Variants in TMEM255B observed in about 807,000 individuals in gnomAD.
TMEM255B encodes the protein transmembrane protein 255B, also known as family with sequence similarity 70, member B.
A neutral mutation model predicts 34.5 loss-of-function variants in TMEM255B; 35 were observed. That is an observed-to-expected ratio of 1.01 (90% confidence interval 0.77 to 1.34). The LOEUF (loss-of-function observed/expected upper bound fraction) is 1.34, where lower values mean the gene tolerates loss of function less well. TMEM255B is among the 40% of genes most tolerant of loss of function. The probability of loss-of-function intolerance (pLI) is 0.00; values close to 1 mark genes in which losing one functional copy is unlikely to be tolerated. For synonymous variants in TMEM255B, 206 were observed against 201.2 expected (o/e 1.02, Z -0.20); for missense variants, 432 against 433.2 (o/e 1.00, Z 0.02).
At chr13:113,791,151 C>T (rs1303749841) in intron 3 of TMEM255B, among the ~76,000 whole-genome samples, 3 of 152,200 alleles carry the variant, frequency 2.0e-5, no homozygotes, top group African/African-American at 7.2e-5. Flanking sequence ...GGGCCTGTGT[C>T]CTGCCCAGGG....
Position 113,769,500 on chromosome 13 carries a change from C to T in TMEM255B, c.252+340C>T. ...TAAGTCCTAGTGTGTAAAGTTCAGG[C>T]AAAAACATGTGCATAAGCCTCTCTT... On this transcript the variant is annotated intron_variant, in intron 3 of 8. Coordinates refer to ENST00000375353, the MANE Select transcript of TMEM255B (RefSeq NM_182614.4). The surrounding 1 kb of genome is among the most constrained non-coding windows in gnomAD (Gnocchi z 4.2). The T allele has an allele frequency of 3.8e-6, 1 of 262,376 alleles. No homozygotes were observed. The highest frequency in any genetic ancestry group is 7.5e-6 in the Non-Finnish European group (1 of 133,418). 16.3% of individuals were successfully genotyped at this position (262,376 alleles called of 1,614,324 possible). A position where few individuals can be genotyped will look rare whatever the true frequency, so the allele number is the denominator to read the frequency against.
chr13:113,769,500 C>A lies in TMEM255B; in HGVS notation c.252+340C>A. On this transcript the variant is annotated intron_variant, in intron 3 of 8. Coordinates refer to ENST00000375353, the MANE Select transcript of TMEM255B (RefSeq NM_182614.4). This position sits in a 1 kb window ranked among gnomAD's most constrained non-coding sequence, Gnocchi z 4.2. ...TAAGTCCTAGTGTGTAAAGTTCAGG[C>A]AAAAACATGTGCATAAGCCTCTCTT... 1 of 262,376 alleles carries A rather than the reference C, an allele frequency of 3.8e-6. No individual in the cohort carries two copies. Among genetic ancestry groups the A allele is most frequent in the Non-Finnish European group, 7.5e-6 (1 of 133,418 alleles). The allele number at this position is 262,376 out of a possible 1,614,324, so 16.3% of individuals were successfully genotyped here.
intron 8 of TMEM255B, among the ~76,000 whole-genome samples, chr13:113,809,039 G>C (rs1486226232): frequency 1.5e-5 from 2 of 137,674 alleles, no homozygotes; most frequent in Non-Finnish European, 1.5e-5. Flanking sequence ...TGTGGTTTTT[G>C]GGGGGAGGTT....
intron 3 of TMEM255B, among the ~76,000 whole-genome samples, chr13:113,793,936 C>T (rs1382960826): frequency 2.0e-5 from 3 of 152,246 alleles, no homozygotes; most frequent in Non-Finnish European, 2.9e-5. Flanking sequence ...CCCCACCCCC[C>T]GCCTTCTGCT....
rs1210661893 is a variant in TMEM255B at position 113,815,316 on chromosome 13, CCG to C, written c.*3414_*3415del. On this transcript the variant is annotated 3_prime_UTR_variant, in exon 9 of 9. Coordinates refer to ENST00000375353, the MANE Select transcript of TMEM255B (RefSeq NM_182614.4). Reference sequence around the variant, plus strand: ...GAGAGGAAGGGACATGGGTGACGGTCCGTCCACGTGGGGTCACCGGCCACGGA... The same window carrying C: ...GAGAGGAAGGGACATGGGTGACGGTCTCCACGTGGGGTCACCGGCCACGGA... The C allele has an allele frequency of 5.0e-3, 737 of 148,798 alleles. 9 individuals are homozygous for C. Among genetic ancestry groups the C allele is most frequent in the African/African-American group, 0.018 (706 of 40,120 alleles). The allele number at this position is 148,798 out of a possible 1,614,324, so 9.2% of individuals were successfully genotyped here. A position where few individuals can be genotyped will look rare whatever the true frequency, so the allele number is the denominator to read the frequency against.
intron 1 of TMEM255B, among the ~76,000 whole-genome samples, chr13:113,759,824 C>A (rs1386800362): frequency 6.6e-6 from 1 of 152,198 alleles, no homozygotes; most frequent in African/African-American, 2.4e-5. Flanking sequence ...GGTTTCGGCT[C>A]GCCCCTCTCT....
intron 1 of TMEM255B, among the ~76,000 whole-genome samples, chr13:113,765,009 T>A (rs1439168146): frequency 6.6e-6 from 1 of 152,156 alleles, no homozygotes; most frequent in Non-Finnish European, 1.5e-5. Context: ...GGCTGGCTGG[T>A]GGGAGCCGAT....
At chr13:113,794,857 G>T (rs1449453943) in intron 3 of TMEM255B, among the ~76,000 whole-genome samples, 2 of 152,238 alleles carry the variant, frequency 1.3e-5, no homozygotes, top group South Asian at 2.1e-4. Flanking sequence ...TTGGGCACAC[G>T]CCCTGCCGTC....
intron 3 of TMEM255B, among the ~76,000 whole-genome samples, chr13:113,793,002 A>G (rs985672379): frequency 6.6e-6 from 1 of 152,240 alleles, no homozygotes; most frequent in African/African-American, 2.4e-5. Context: ...CAGTGAACCC[A>G]GCACCTCCCT....
At position 113,795,202 on chromosome 13, in the gene TMEM255B, G is replaced by A. The variant is rs371504461; in HGVS notation, c.307G>A (p.Ala103Thr). The A allele has an allele frequency of 2.0e-5, 32 of 1,613,890 alleles. No homozygotes were observed. Among genetic ancestry groups the A allele is most frequent in the African/African-American group, 2.7e-5 (2 of 75,042 alleles). Residue 103 changes from alanine (A) to threonine (T), a missense_variant, in exon 4 of 9, where the codon GCC becomes ACC. Physicochemically the swap from Ala to Thr is moderately conservative, Grantham distance 58. Transcript: ENST00000375353. ...SFGVVAAFCC[A>T]IVDGVFAAQH... ...TGGCGTGGTGGCCGCCTTCTGCTGC[G>A]CCATCGTGGACGGCGTATTTGCAGC...
At chr13:113,809,723 G>A (rs770867840) in intron 8 of TMEM255B, among the ~76,000 whole-genome samples, 5 of 151,784 alleles carry the variant, frequency 3.3e-5, no homozygotes, top group Admixed American at 6.6e-5. Context: ...TGGTTCACTC[G>A]GTGGTTCCTA....
chr13:113,792,791 A>C (rs1318139613), intron 3 of TMEM255B, among the ~76,000 whole-genome samples: 2 of 152,254 alleles, frequency 1.3e-5, no homozygotes, highest in Admixed American at 1.3e-4. Context: ...GTTCAGACCC[A>C]GGCTAATGCA....
At chr13:113,764,433 G>A (rs1043654199) in intron 1 of TMEM255B, among the ~76,000 whole-genome samples, 3 of 152,336 alleles carry the variant, frequency 2.0e-5, no homozygotes, top group Middle Eastern at 3.4e-3. Context: ...CCCGCACCGG[G>A]CTGCGGCCTC....
Position 113,774,874 on chromosome 13 carries a change from C to T in TMEM255B, c.252+5714C>T, listed in dbSNP as rs559640695. Among the ~76,000 whole-genome samples, 671 of 147,056 alleles carry T rather than the reference C, an allele frequency of 4.6e-3. 9 individuals are homozygous for T. Among genetic ancestry groups the T allele is most frequent in the African/African-American group, 0.014 (563 of 39,862 alleles). ...AATGCACACCACATACACCACACAA[C>T]GCACACCACACACAAGACACAATAT... On this transcript the variant is annotated intron_variant, in intron 3 of 8. Transcript: ENST00000375353.
chr13:113,793,481 A>T (rs2050866132), intron 3 of TMEM255B, among the ~76,000 whole-genome samples: 1 of 152,238 alleles, frequency 6.6e-6, no homozygotes, highest in African/African-American at 2.4e-5. Context: ...CTGAGAAGAA[A>T]GGTGCCAGCA....
In TMEM255B at chr13:113,812,199, C is replaced by A; in HGVS notation, c.*296C>A. On this transcript the variant is annotated 3_prime_UTR_variant, in exon 9 of 9. Transcript: ENST00000375353. Reference sequence around the variant, plus strand: ...AGCAATTGTTCTGGTGTTTTCACATCCCTTAATTAATTAGCTATTATTATG... The same window carrying A: ...AGCAATTGTTCTGGTGTTTTCACATACCTTAATTAATTAGCTATTATTATG... 1 of 458,404 alleles carries A rather than the reference C, an allele frequency of 2.2e-6. No individual in the cohort carries two copies. The highest frequency in any genetic ancestry group is 3.8e-6 in the Non-Finnish European group (1 of 260,466). 28.4% of individuals were successfully genotyped at this position (458,404 alleles called of 1,614,324 possible). A position where few individuals can be genotyped will look rare whatever the true frequency, so the allele number is the denominator to read the frequency against.
rs7399473 is a variant in TMEM255B at position 113,815,324 on chromosome 13, G to C, written c.*3421G>C. 1 of 93,194 alleles carries C rather than the reference G, an allele frequency of 1.1e-5. No individual in the cohort carries two copies. Among genetic ancestry groups the C allele is most frequent in the African/African-American group, 4.9e-5 (1 of 20,586 alleles). The allele number at this position is 93,194 out of a possible 1,614,324, so 5.8% of individuals were successfully genotyped here. A position where few individuals can be genotyped will look rare whatever the true frequency, so the allele number is the denominator to read the frequency against. On this transcript the variant is annotated 3_prime_UTR_variant, in exon 9 of 9. Coordinates refer to ENST00000375353, the MANE Select transcript of TMEM255B (RefSeq NM_182614.4). ...GGGACATGGGTGACGGTCCGTCCAC[G>C]TGGGGTCACCGGCCACGGAGAGAGG...
Position 113,811,759 on chromosome 13 carries a change from GC to G in TMEM255B, c.840del (p.Ser281ProfsTer52). 6.2e-7 allele frequency: 1 copy of G among 1,613,662 alleles called. No homozygotes were observed. The highest frequency in any genetic ancestry group is 8.5e-7 in the Non-Finnish European group (1 of 1,179,820). ...LQPCSRFPVA[P>X]SSALASSEDL... ...AGCCCTGCAGCCGCTTCCCAGTTGCGCCCTCCTCTGCCCTGGCTTCGTCTGA... is the reference window on the plus strand; with the variant it reads ...AGCCCTGCAGCCGCTTCCCAGTTGCGCCTCCTCTGCCCTGGCTTCGTCTGA... On this transcript the variant is annotated frameshift_variant, in exon 9 of 9. Coordinates refer to ENST00000375353, the MANE Select transcript of TMEM255B (RefSeq NM_182614.4). LOFTEE classifies it low-confidence loss of function (END_TRUNC).
rs768928024 is a variant in TMEM255B at position 113,814,167 on chromosome 13, G to A, written c.*2264G>A. On this transcript the variant is annotated 3_prime_UTR_variant, in exon 9 of 9. Coordinates refer to ENST00000375353, the MANE Select transcript of TMEM255B (RefSeq NM_182614.4). The stretch of plus-strand genomic sequence containing the variant: ...CGGGCTGTGCCCCCGAAGCTGCCTG[G>A]TGCAGGCACCAGCACCTCTTGGTGT... The A allele has an allele frequency of 2.0e-5, 3 of 152,322 alleles. No individual in the cohort carries two copies. Among genetic ancestry groups the A allele is most frequent in the Admixed American group, 6.5e-5 (1 of 15,304 alleles). 9.4% of individuals were successfully genotyped at this position (152,322 alleles called of 1,614,324 possible).
Sources: gnomAD v4.1 joint callset for allele counts (sites outside exome capture counted in the v4.1 genomes callset) on GRCh38, gnomAD v4.1.1 for gene constraint, Gnocchi (gnomAD v3.1) non-coding constraint, MANE v1.5 for transcripts, NCBI Gene and HGNC (gene_info 2026-07-23, HGNC 2026-07-21) for gene names.